LRP12: variants seen among roughly 807,000 people sequenced by gnomAD.
The protein encoded by LRP12 is low-density lipoprotein receptor-related protein 12.
A neutral mutation model predicts 66.0 loss-of-function variants in LRP12; 14 were observed. The ratio of observed to expected loss-of-function variants is 0.21; its 90% CI spans 0.14 to 0.33. The LOEUF is 0.33. Among genes scored for constraint, LRP12 ranks in the 10% least tolerant of loss-of-function variants. LRP12 has a pLI of 1.00. For synonymous variants in LRP12, 357 were observed against 359.1 expected, an observed-to-expected ratio of 0.99 and a Z score of 0.07; for missense variants, 889 against 1,053.4, an observed-to-expected ratio of 0.84 and a Z score of 2.16.
chr8:104,574,758 T>C (rs1259483167), intron 1 of LRP12, among the ~76,000 whole-genome samples: 1 of 152,248 alleles, frequency 6.6e-6, no homozygotes. Flanking sequence ...TGATCACGTG[T>C]TGAAATGATA....
intron 1 of LRP12, among the ~76,000 whole-genome samples, chr8:104,577,003 T>C (rs1234581058): frequency 6.6e-6 from 1 of 152,094 alleles, no homozygotes; most frequent in Non-Finnish European, 1.5e-5. Flanking sequence ...AAGAAGAACA[T>C]TACATAATGG....
rs186351841 is a variant in LRP12, at chr8:104,556,861, C to G, written c.80-24898G>C. Among the ~76,000 whole-genome samples, 719 of 152,164 alleles carry G rather than the reference C, an allele frequency of 4.7e-3. 6 individuals are homozygous for G. The highest frequency in any genetic ancestry group is 9.2e-3 in the Admixed American group (141 of 15,276). ...CTGATGACCACAGATACAAAAACCC[C>G]CAACAAAATACCAGCTAACCAAATC... is the stretch of plus-strand genomic sequence containing the variant. On this transcript the variant is annotated intron_variant, in intron 1 of 6. Coordinates refer to ENST00000276654, the MANE Select transcript of LRP12 (RefSeq NM_013437.5).
At chr8:104,556,735 AAAG>A (rs553424438) in intron 1 of LRP12, among the ~76,000 whole-genome samples, 125 of 152,318 alleles carry the variant, frequency 8.2e-4, no homozygotes, top group Admixed American at 1.5e-3. Context: ...AAAGATAGAG[AAAG>A]AAGGAATCTT....
At chr8:104,526,542 T>C (rs1263169400) in intron 2 of LRP12, among the ~76,000 whole-genome samples, 19 of 147,142 alleles carry the variant, frequency 1.3e-4, no homozygotes, top group African/African-American at 3.9e-4. Flanking sequence ...TCTACAACTA[T>C]CTGATCTTTG....
At chr8:104,570,683 A>T (rs961774399) in intron 1 of LRP12, among the ~76,000 whole-genome samples, 10 of 152,216 alleles carry the variant, frequency 6.6e-5, no homozygotes, top group Non-Finnish European at 1.3e-4. Context: ...TCAGAAAAAA[A>T]GCAGAAGGAA....
intron 1 of LRP12, among the ~76,000 whole-genome samples, chr8:104,556,890 T>C (rs534828407): frequency 1.3e-5 from 2 of 152,178 alleles, no homozygotes; most frequent in South Asian, 2.1e-4. Context: ...CCAAATCCAA[T>C]AGCATATAAA....
At chr8:104,520,104 G>C (rs1811125251) in intron 2 of LRP12, among the ~76,000 whole-genome samples, 1 of 151,752 alleles carries the variant, frequency 6.6e-6, no homozygotes, top group African/African-American at 2.4e-5. Flanking sequence ...GATGAGGAGA[G>C]CAAAGAAACT....
intron 1 of LRP12, among the ~76,000 whole-genome samples, chr8:104,572,020 A>G (rs1812086526): frequency 6.6e-6 from 1 of 152,262 alleles, no homozygotes; most frequent in South Asian, 2.1e-4. Flanking sequence ...ACTGAAAACA[A>G]TGGAAATGTC....
chr8:104,499,605 A>G, intron 3 of LRP12, 86 bp from the exon 4 acceptor site: 1 of 845,736 alleles, frequency 1.2e-6, no homozygotes, highest in Non-Finnish European at 1.9e-6. Flanking sequence ...TATTATTATA[A>G]GCCTCCATAT....
intron 1 of LRP12, among the ~76,000 whole-genome samples, chr8:104,565,314 T>C (rs1440436776): frequency 6.6e-6 from 1 of 152,134 alleles, no homozygotes; most frequent in East Asian, 1.9e-4. Flanking sequence ...CTGTGAAAAC[T>C]GTAAACTCAC....
At chr8:104,528,801 A>T (rs928079360) in intron 2 of LRP12, among the ~76,000 whole-genome samples, 5 of 151,846 alleles carry the variant, frequency 3.3e-5, no homozygotes, top group African/African-American at 1.2e-4. Context: ...ACAACAAAAA[A>T]CAGCAATGAC....
intron 1 of LRP12, among the ~76,000 whole-genome samples, chr8:104,564,386 T>C (rs551322497): frequency 6.6e-6 from 1 of 152,296 alleles, no homozygotes; most frequent in Admixed American, 6.5e-5. Flanking sequence ...TAAGAGCACT[T>C]TGAAAAGCAA....
Position 104,565,860 on chromosome 8 carries a change from C to CAAA in LRP12, c.79+22956_79+22958dup, listed in dbSNP as rs35650042. ...TCAGCGACAGAGCAAGACTCCATCT[C>CAAA]AAAAAAAAAAAAAATACACACACAC... is the stretch of plus-strand genomic sequence containing the variant. On this transcript the variant is annotated intron_variant, in intron 1 of 6. Transcript: ENST00000276654. 7.2e-5 allele frequency among the ~76,000 whole-genome samples: 8 copies of CAAA among 111,864 alleles called. 1 individual carries two copies. Among genetic ancestry groups the CAAA allele is most frequent in the African/African-American group, 2.7e-4 (8 of 29,968 alleles). 73.4% of individuals were successfully genotyped at this position (111,864 alleles called of 152,430 possible).
In LRP12 at chr8:104,536,057, T is replaced by C. The variant is rs532911969; in HGVS notation, c.80-4094A>G. ...AAATATAAACACATATATAAACATA[T>C]AAACCAAAAAAGCAAAGATGGTTCC... On this transcript the variant is annotated intron_variant, in intron 1 of 6. Coordinates refer to ENST00000276654, the MANE Select transcript of LRP12 (RefSeq NM_013437.5). Among the ~76,000 whole-genome samples the C allele has an allele frequency of 1.7e-4, 26 of 152,128 alleles. 1 individual carries two copies. Among genetic ancestry groups the C allele is most frequent in the African/African-American group, 6.3e-4 (26 of 41,542 alleles).
At chr8:104,499,177 T>C in intron 4 of LRP12, 140 bp downstream of exon 4, 1 of 609,758 alleles carries the variant, frequency 1.6e-6, no homozygotes, top group Non-Finnish European at 2.8e-6. Context: ...CATCTAACTT[T>C]AGCTTCTAAT....
rs542798483 is a variant in LRP12, at chr8:104,528,714, G to A, written c.136+3193C>T. ...CGCTTGAACCCGGGAGGCAGCGGTC[G>A]TAGTGAACTGAGATCACAACACTGT... On this transcript the variant is annotated intron_variant, in intron 2 of 6. Transcript: ENST00000276654. Among the ~76,000 whole-genome samples, 9 of 151,890 alleles carry A rather than the reference G, an allele frequency of 5.9e-5. No homozygotes were observed. In the East Asian group the frequency reaches 7.8e-4, roughly 13 times the overall value.
intron 1 of LRP12, among the ~76,000 whole-genome samples, chr8:104,549,119 A>T (rs1168188720): frequency 6.6e-6 from 1 of 152,066 alleles, no homozygotes; most frequent in Non-Finnish European, 1.5e-5. Flanking sequence ...CCTCTTAAAT[A>T]TACATTCAAG....
At chr8:104,524,692 T>C (rs1020139596) in intron 2 of LRP12, among the ~76,000 whole-genome samples, 1 of 152,212 alleles carries the variant, frequency 6.6e-6, no homozygotes, top group African/African-American at 2.4e-5. Flanking sequence ...AAATTTAATA[T>C]ACTACTATTA....
intron 1 of LRP12, among the ~76,000 whole-genome samples, chr8:104,569,516 T>C (rs1318858774): frequency 6.6e-6 from 1 of 152,162 alleles, no homozygotes; most frequent in East Asian, 1.9e-4. Context: ...TCAATCAATG[T>C]AATCCATTAT....
Sources: gnomAD v4.1 joint callset for allele counts (sites outside exome capture counted in the v4.1 genomes callset) on GRCh38, gnomAD v4.1.1 for gene constraint, MANE v1.5 for transcripts, NCBI Gene and HGNC (gene_info 2026-07-23, HGNC 2026-07-21) for gene names.